The following RGS20 variants were observed in gnomAD, a reference collection of about 807,000 sequenced individuals.
RGS20 encodes gz-selective GTPase-activating protein.
Under a neutral mutation model 33.6 loss-of-function variants are expected in RGS20, and 30 were observed. That is an observed-to-expected ratio of 0.89 (90% CI 0.67 to 1.21). The LOEUF (loss-of-function observed/expected upper bound fraction) is 1.21. RGS20 is among the 50% of genes most tolerant of loss of function. RGS20 has a pLI of 0.00. For missense variants in RGS20, 472 were observed against 502.4 expected, an observed-to-expected ratio of 0.94 and a Z score of 0.58; for synonymous variants, 208 against 197.9, an observed-to-expected ratio of 1.05 and a Z score of -0.43.
intron 2 of RGS20, among the ~76,000 whole-genome samples, chr8:53,898,789 T>A (rs907279426): frequency 6.6e-6 from 1 of 152,230 alleles, no homozygotes; most frequent in Non-Finnish European, 1.5e-5. Context: ...ACCTGGTGAA[T>A]GTTGAAAAGA....
intron 2 of RGS20, among the ~76,000 whole-genome samples, chr8:53,891,237 T>G (rs1423404990): frequency 6.6e-6 from 1 of 152,232 alleles, no homozygotes; most frequent in Non-Finnish European, 1.5e-5. Flanking sequence ...AATTTTAGTT[T>G]ATATAATATT....
chr8:53,905,625 G>T (rs1813143338), intron 2 of RGS20, among the ~76,000 whole-genome samples: 1 of 152,156 alleles, frequency 6.6e-6, no homozygotes, highest in Non-Finnish European at 1.5e-5. Flanking sequence ...GGGCCTGTTT[G>T]TGACTTCAGC....
At chr8:53,854,941 A>G (rs539941931) in intron 1 of RGS20, among the ~76,000 whole-genome samples, 6 of 152,368 alleles carry the variant, frequency 3.9e-5, no homozygotes, top group Middle Eastern at 3.4e-3. Context: ...GAAGCCACTA[A>G]AAGGAATGAA....
intron 2 of RGS20, 82 bp from the exon 1 acceptor site, chr8:53,880,790 G>A (rs1281620442): frequency 4.7e-6 from 6 of 1,270,696 alleles, no homozygotes; most frequent in South Asian, 1.6e-5. Flanking sequence ...CACCCGCGGC[G>A]GTGGAGTGCG....
At chr8:53,938,250 G>A (rs1247947176) in intron 2 of RGS20, among the ~76,000 whole-genome samples, 1 of 152,154 alleles carries the variant, frequency 6.6e-6, no homozygotes, top group East Asian at 1.9e-4. Context: ...GGATGAAGCC[G>A]GAAACCGTCA....
At chr8:53,907,552 C>G (rs1397747048) in intron 2 of RGS20, among the ~76,000 whole-genome samples, 1 of 151,780 alleles carries the variant, frequency 6.6e-6, no homozygotes, top group Non-Finnish European at 1.5e-5. Flanking sequence ...CCATTGCACT[C>G]TAGCTCTGGG....
chr8:53,878,317 C>A (rs1812254201), intron 1 of RGS20, among the ~76,000 whole-genome samples: 1 of 152,042 alleles, frequency 6.6e-6, no homozygotes, highest in South Asian at 2.1e-4. Context: ...TGAGTTCAAC[C>A]CCTTTATAAA....
chr8:53,944,758 TC>T (rs1814422395), intron 3 of RGS20, among the ~76,000 whole-genome samples: 1 of 152,102 alleles, frequency 6.6e-6, no homozygotes, highest in South Asian at 2.1e-4. Context: ...GAAGAACACT[TC>T]CATTTCAATA....
Position 53,946,448 on chromosome 8 carries a change from T to A in RGS20, c.660-217T>A, listed in dbSNP as rs1814479856. On this transcript the variant is annotated intron_variant, in intron 3 of 5. Transcript: ENST00000297313. ...GAACACAATAATTTCTAACTCTTTC[T>A]CAATAGTAGAAACCACAACGTTTAT... 7.1e-6 allele frequency: 4 copies of A among 560,806 alleles called. No individual in the cohort carries two copies. In the South Asian group the frequency reaches 8.2e-5, roughly 12 times the overall value. 34.7% of individuals were successfully genotyped at this position (560,806 alleles called of 1,614,324 possible).
chr8:53,880,756 G>T, intron 2 of RGS20, 116 bp from the exon 1 acceptor site: 1 of 859,770 alleles, frequency 1.2e-6, no homozygotes, highest in South Asian at 2.1e-5. Context: ...CGCGCCCCGC[G>T]TGGGGCCTCG....
chr8:53,950,619 TG>T (rs1814682841), intron 4 of RGS20, among the ~76,000 whole-genome samples: 1 of 151,356 alleles, frequency 6.6e-6, no homozygotes, highest in South Asian at 2.1e-4. Flanking sequence ...ATTAATGTTT[TG>T]TTTTTTTTTT....
Position 53,939,619 on chromosome 8 carries a change from C to CCGCCGCCCAGGACACACCAGG in RGS20, c.563_583dup (p.Gln188_Ala194dup). The CCGCCGCCCAGGACACACCAGG allele has an allele frequency of 2.5e-6, 4 of 1,604,594 alleles. No individual in the cohort carries two copies. The highest frequency in any genetic ancestry group is 1.3e-5 in the African/African-American group (1 of 74,876). On this transcript the variant is annotated inframe_insertion, in exon 3 of 6. Transcript: ENST00000297313. Reference sequence around the variant, plus strand: ...ATGGAGATGCGGAAGCGGCAGATGCCCGCCGCCCAGGACACACCAGGCGCC... The same window carrying CCGCCGCCCAGGACACACCAGG: ...ATGGAGATGCGGAAGCGGCAGATGCCCGCCGCCCAGGACACACCAGGCGCCGCCCAGGACACACCAGGCGCC...
At chr8:53,917,136 G>T (rs953665878) in intron 2 of RGS20, among the ~76,000 whole-genome samples, 11 of 149,654 alleles carry the variant, frequency 7.4e-5, no homozygotes, top group African/African-American at 2.8e-4. Flanking sequence ...TTGTTTGGTT[G>T]GTTTTTTGTT....
At chr8:53,868,724 C>G (rs1811981944) in intron 1 of RGS20, among the ~76,000 whole-genome samples, 1 of 151,700 alleles carries the variant, frequency 6.6e-6, no homozygotes, top group Non-Finnish European at 1.5e-5. Context: ...TTGTAAACCT[C>G]CATGATAAGA....
chr8:53,858,812 A>AT (rs200967791), intron 1 of RGS20, among the ~76,000 whole-genome samples: 173 of 143,500 alleles, frequency 1.2e-3, no homozygotes, highest in African/African-American at 4.1e-3. Flanking sequence ...ATGTGGCCCC[A>AT]TTTTTTTTAA....
intron 2 of RGS20, among the ~76,000 whole-genome samples, chr8:53,898,865 G>T (rs1428797253): frequency 6.6e-6 from 1 of 152,182 alleles, no homozygotes; most frequent in Non-Finnish European, 1.5e-5. Context: ...GAAAGAGTTT[G>T]CATTTCTGAT....
intron 2 of RGS20, among the ~76,000 whole-genome samples, chr8:53,933,983 C>A (rs1369483380): frequency 1.3e-5 from 2 of 152,098 alleles, no homozygotes; most frequent in African/African-American, 2.4e-5. Flanking sequence ...AATTTTCAAC[C>A]CAGAATTTTA....
chr8:53,864,101 A>G (rs1460364788), intron 1 of RGS20, among the ~76,000 whole-genome samples: 1 of 152,182 alleles, frequency 6.6e-6, no homozygotes, highest in Non-Finnish European at 1.5e-5. Context: ...CAAGGCATGT[A>G]AAAATGCTGG....
intron 2 of RGS20, among the ~76,000 whole-genome samples, chr8:53,894,529 G>A (rs975084690): frequency 6.6e-6 from 1 of 152,192 alleles, no homozygotes; most frequent in Non-Finnish European, 1.5e-5. Flanking sequence ...CGAATCAACA[G>A]CAGACCTTCT....
Sources: allele counts gnomAD v4.1 joint callset (sites outside exome capture counted in the v4.1 genomes callset), GRCh38; gene constraint gnomAD v4.1.1; transcripts MANE v1.5; gene names NCBI Gene and HGNC (gene_info 2026-07-23, HGNC 2026-07-21).